The following SND1 variants were observed in gnomAD, a reference collection of about 807,000 sequenced individuals.
SND1 encodes the protein staphylococcal nuclease and tudor domain containing 1, also known as staphylococcal nuclease domain-containing protein 1.
A neutral mutation model predicts 121.7 loss-of-function variants in SND1; 38 were observed. The observed-to-expected ratio is 0.31, with a 90% CI of 0.24 to 0.41. The LOEUF (loss-of-function observed/expected upper bound fraction) is 0.41. Ranked by LOEUF, SND1 falls within the 10% of genes least tolerant of loss-of-function variation. The pLI, the probability that SND1 is intolerant of heterozygous loss-of-function variation, is 1.00. For synonymous variants in SND1, 401 were observed against 447.4 expected, an observed-to-expected ratio of 0.90 and a Z score of 1.31; for missense variants, 868 against 1,184.6, an observed-to-expected ratio of 0.73 and a Z score of 3.92.
intron 15 of SND1, among the ~76,000 whole-genome samples, chr7:127,964,637 A>G (rs1366558971): frequency 3.3e-5 from 5 of 151,976 alleles, no homozygotes; most frequent in South Asian, 2.1e-4. Context: ...TACCAGTACC[A>G]TGCTGTTTTG....
intron 16 of SND1, among the ~76,000 whole-genome samples, chr7:128,055,066 A>G (rs1793113583): frequency 6.6e-6 from 1 of 152,254 alleles, no homozygotes; most frequent in South Asian, 2.1e-4. Context: ...CTCCAGGGCA[A>G]TAAATTCTCT....
At chr7:128,067,004 A>G (rs566393885) in intron 16 of SND1, among the ~76,000 whole-genome samples, 1 of 152,202 alleles carries the variant, frequency 6.6e-6, no homozygotes, top group South Asian at 2.1e-4. Context: ...AAGTTCTCCT[A>G]CAGGACTTGA....
At chr7:127,904,636 G>T in intron 13 of SND1, 111 bp from the exon 14 acceptor site, 1 of 681,270 alleles carries the variant, frequency 1.5e-6, no homozygotes, top group East Asian at 2.7e-5. Context: ...GACTTGTGTA[G>T]TCATACATCC....
chr7:127,712,776 T>A (rs1280333372), intron 9 of SND1, among the ~76,000 whole-genome samples: 1 of 152,226 alleles, frequency 6.6e-6, no homozygotes, highest in African/African-American at 2.4e-5. Flanking sequence ...GTTTTACAGA[T>A]CCCTTTTATC....
chr7:127,874,746 C>G (rs989258507), intron 12 of SND1, among the ~76,000 whole-genome samples: 1 of 151,916 alleles, frequency 6.6e-6, no homozygotes, highest in Non-Finnish European at 1.5e-5. Context: ...TCTCCCATAC[C>G]CCTCAAAAAA....
intron 16 of SND1, among the ~76,000 whole-genome samples, chr7:128,043,733 A>C (rs1404257918): frequency 6.6e-6 from 1 of 151,554 alleles, no homozygotes; most frequent in East Asian, 1.9e-4. Flanking sequence ...CAGGATTCTT[A>C]TTTCTGCCCC....
intron 10 of SND1, among the ~76,000 whole-genome samples, chr7:127,786,181 T>A (rs1182034038): frequency 1.3e-5 from 2 of 152,200 alleles, no homozygotes; most frequent in Non-Finnish European, 2.9e-5. Flanking sequence ...AACTTAAAAT[T>A]TGAGGGTAAA....
At chr7:127,696,702 A>G (rs908709652) in intron 3 of SND1, among the ~76,000 whole-genome samples, 11 of 152,328 alleles carry the variant, frequency 7.2e-5, no homozygotes, top group African/African-American at 2.6e-4. Context: ...TTCAGCCAAA[A>G]TGGCCAAATT....
chr7:127,753,406 G>C (rs567726839), intron 10 of SND1, among the ~76,000 whole-genome samples: 1 of 152,050 alleles, frequency 6.6e-6, no homozygotes, highest in Non-Finnish European at 1.5e-5. Context: ...GTTGTTTGTA[G>C]GTGTGTTTGG....
At chr7:127,727,248 G>C (rs1223532526) in intron 10 of SND1, among the ~76,000 whole-genome samples, 3 of 152,204 alleles carry the variant, frequency 2.0e-5, no homozygotes, top group Admixed American at 1.3e-4. Context: ...TGGCTCTCCA[G>C]GGCAGGCAGG....
chr7:127,739,092 G>T (rs1441018960), intron 10 of SND1, among the ~76,000 whole-genome samples: 1 of 152,196 alleles, frequency 6.6e-6, no homozygotes, highest in Non-Finnish European at 1.5e-5. Flanking sequence ...GTGGGTTTGT[G>T]CTGAAATGTG....
intron 12 of SND1, among the ~76,000 whole-genome samples, chr7:127,846,591 G>A (rs543443404): frequency 6.6e-6 from 1 of 152,284 alleles, no homozygotes; most frequent in Non-Finnish European, 1.5e-5. Flanking sequence ...GGAAATCAAT[G>A]AATTTGTTGA....
chr7:127,934,429 G>C (rs1037227722), intron 15 of SND1, among the ~76,000 whole-genome samples: 11 of 152,110 alleles, frequency 7.2e-5, no homozygotes, highest in African/African-American at 1.7e-4. Flanking sequence ...GCTCAGACTC[G>C]GGTTAAGTAA....
Position 127,721,268 on chromosome 7 carries a change from T to C in SND1, c.1039-19T>C, listed in dbSNP as rs375564137. ...GGGGCCATAGAAGCAGGTTTAAGCATGTTCCTTTTTGCTCACAGGTGATGC... is the reference window on the plus strand; with the variant it reads ...GGGGCCATAGAAGCAGGTTTAAGCACGTTCCTTTTTGCTCACAGGTGATGC... On this transcript the variant is annotated intron_variant, in intron 9 of 23. Transcript: ENST00000354725. 3.7e-5 allele frequency: 59 copies of C among 1,584,808 alleles called. No homozygotes were observed. The highest frequency in any genetic ancestry group is 3.2e-4 in the African/African-American group (24 of 74,294).
intron 16 of SND1, chr7:128,030,801 C>G (rs1217614410): frequency 4.4e-6 from 4 of 918,436 alleles, no homozygotes; most frequent in Non-Finnish European, 4.7e-6. Context: ...CGAAAAAAAT[C>G]CTGCCAAACT....
intron 14 of SND1, among the ~76,000 whole-genome samples, chr7:127,918,249 A>T (rs953651387): frequency 1.3e-5 from 2 of 150,882 alleles, no homozygotes; most frequent in African/African-American, 4.9e-5. Flanking sequence ...TTTTTTCAGT[A>T]GAGAAGGGCT....
chr7:127,749,645 T>C (rs538872956), intron 10 of SND1, among the ~76,000 whole-genome samples: 1 of 152,164 alleles, frequency 6.6e-6, no homozygotes. Context: ...AAGTTGTAGA[T>C]TAGTGGATGT....
intron 16 of SND1, among the ~76,000 whole-genome samples, chr7:128,043,294 T>A (rs1792887478): frequency 6.6e-6 from 1 of 152,170 alleles, no homozygotes; most frequent in Non-Finnish European, 1.5e-5. Flanking sequence ...TTGCCCTAAT[T>A]ATTTTGAATT....
intron 14 of SND1, among the ~76,000 whole-genome samples, chr7:127,914,508 G>T (rs1455904187): frequency 6.6e-6 from 1 of 152,098 alleles, no homozygotes; most frequent in Admixed American, 6.6e-5. Context: ...TTCATAAGTT[G>T]TTTAATATGT....
Sources: gnomAD v4.1 joint callset for allele counts (sites outside exome capture counted in the v4.1 genomes callset) on GRCh38, gnomAD v4.1.1 for gene constraint, MANE v1.5 for transcripts, NCBI Gene and HGNC (gene_info 2026-07-23, HGNC 2026-07-21) for gene names.